Variants in PCDH11X observed in about 807,000 individuals in gnomAD.
PCDH11X encodes the protein protocadherin-11 X-linked.
A neutral mutation model predicts 53.3 loss-of-function variants in PCDH11X; 18 were observed. The ratio of observed to expected loss-of-function variants is 0.34; its 90% CI spans 0.23 to 0.50. The LOEUF is 0.50. PCDH11X is among the 20% of genes least tolerant of loss of function. The probability of loss-of-function intolerance (pLI) is 0.98; values close to 1 mark genes in which losing one functional copy is unlikely to be tolerated. For synonymous variants in PCDH11X, 279 were observed against 393.3 expected (o/e 0.71, Z 3.44); for missense variants, 570 against 1,032.4 (o/e 0.55, Z 6.14).
intron 6 of PCDH11X, among the ~76,000 whole-genome samples, chrX:92,008,974 G>A (rs192086898): frequency 8.1e-5 from 9 of 111,461 alleles, no homozygotes; most frequent in African/African-American, 1.3e-4. Context: ...TAAAGAAATC[G>A]GAACAAACAA....
At position 91,982,842 on chromosome X, in the gene PCDH11X, A is replaced by C. The variant is rs1236996283; in HGVS notation, c.3033+103569A>C. ...AGGGTCAATCAAATACTTGGCTGCT[A>C]TTTCGAAACGCGTGTTACTGTTTCC... On this transcript the variant is annotated intron_variant, in intron 6 of 10. Transcript: ENST00000682573. 1.2e-5 allele frequency: 11 copies of C among 888,081 alleles called. No homozygotes were observed. In the African/African-American group the frequency reaches 1.8e-4, roughly 14 times the overall value. 73.2% of individuals were successfully genotyped at this position (888,081 alleles called of 1,213,427 possible). A position where few individuals can be genotyped will look rare whatever the true frequency, so the allele number is the denominator to read the frequency against.
At chrX:92,147,882 TTTTC>T (rs1490917990) in intron 6 of PCDH11X, among the ~76,000 whole-genome samples, 1 of 95,971 alleles carries the variant, frequency 1.0e-5, no homozygotes, top group Non-Finnish European at 2.0e-5. Context: ...CTTTCTTTCT[TTTTC>T]TTTCTCTTTC....
chrX:92,157,978 G>A (rs1368272559), intron 6 of PCDH11X, among the ~76,000 whole-genome samples: 1 of 111,410 alleles, frequency 9.0e-6, no homozygotes, highest in Non-Finnish European at 1.9e-5. Flanking sequence ...ACTTTGGGGG[G>A]CTGAGGTGGG....
chrX:92,588,219 G>A (rs1228777367), intron 10 of PCDH11X, among the ~76,000 whole-genome samples: 1 of 92,210 alleles, frequency 1.1e-5, no homozygotes, highest in Non-Finnish European at 2.1e-5. Flanking sequence ...AGACTGTACA[G>A]TGTACTAAAA....
chrX:92,016,785 G>T (rs2062801321), intron 6 of PCDH11X, among the ~76,000 whole-genome samples: 1 of 111,766 alleles, frequency 8.9e-6, no homozygotes, highest in African/African-American at 3.3e-5. Context: ...CACTGGAGTA[G>T]CACTTTCAAT....
intron 1 of PCDH11X, among the ~76,000 whole-genome samples, chrX:91,792,161 A>T (rs1935578224): frequency 9.0e-6 from 1 of 110,568 alleles, no homozygotes; most frequent in African/African-American, 3.3e-5. Context: ...ATGTTTTAAG[A>T]CAATGAGAAA....
intron 5 of PCDH11X, among the ~76,000 whole-genome samples, chrX:91,848,969 C>A (rs1937853898): frequency 9.2e-6 from 1 of 108,761 alleles, no homozygotes; most frequent in Non-Finnish European, 1.9e-5. Context: ...TTACTAAACA[C>A]TTTCCAAGTA....
At chrX:92,175,036 C>T (rs1007376240) in intron 6 of PCDH11X, among the ~76,000 whole-genome samples, 7 of 110,395 alleles carry the variant, frequency 6.3e-5, no homozygotes, top group Admixed American at 2.9e-4. Context: ...AGTGCAGTGG[C>T]GCCATCTTGG....
At chrX:92,068,118 A>G (rs1443049857) in intron 6 of PCDH11X, among the ~76,000 whole-genome samples, 2 of 109,512 alleles carry the variant, frequency 1.8e-5, no homozygotes, top group Non-Finnish European at 3.8e-5. Context: ...CATTTCATTG[A>G]TCTTCTATGT....
Position 91,878,728 on chromosome X carries a change from A to G in PCDH11X, c.2488A>G (p.Ile830Val). The G allele has an allele frequency of 8.3e-7, 1 of 1,210,762 alleles. No homozygotes were observed. Among genetic ancestry groups the G allele is most frequent in the Non-Finnish European group, 1.1e-6 (1 of 895,244 alleles). Reference protein sequence around the residue: ...GTITVVVVIFITAVVRCRQAP... With the variant: ...GTITVVVVIFVTAVVRCRQAP... The stretch of plus-strand genomic sequence containing the variant: ...CATAACTGTCGTTGTAGTTATTTTC[A>G]TCACTGCTGTAGTAAGATGTCGCCA... Residue 830 changes from isoleucine (I) to valine (V), a missense_variant, in exon 6 of 11, where the codon ATC becomes GTC. This residue lies in a region of PCDH11X where 226 missense variants were observed against 457.5 expected (regional missense o/e 0.49). Coordinates refer to ENST00000682573, the MANE Select transcript of PCDH11X (RefSeq NM_032968.5).
chrX:92,489,694 T>C (rs913813813), intron 10 of PCDH11X, among the ~76,000 whole-genome samples: 2 of 106,841 alleles, frequency 1.9e-5, no homozygotes, highest in African/African-American at 6.8e-5. Flanking sequence ...CTCTCCACCT[T>C]TTTAATCAGT....
At chrX:91,789,216 A>G (rs1432777815) in intron 1 of PCDH11X, among the ~76,000 whole-genome samples, 4 of 109,052 alleles carry the variant, frequency 3.7e-5, no homozygotes, top group Non-Finnish European at 7.6e-5. Context: ...AAAAAAAAAA[A>G]AAAAAAAGAA....
intron 6 of PCDH11X, among the ~76,000 whole-genome samples, chrX:92,047,376 T>G (rs2063305399): frequency 9.6e-6 from 1 of 104,285 alleles, no homozygotes; most frequent in African/African-American, 3.6e-5. Context: ...TTTTTATGCC[T>G]TGATAGACCT....
chrX:92,355,941 A>G (rs960310703), intron 8 of PCDH11X, among the ~76,000 whole-genome samples: 3 of 111,279 alleles, frequency 2.7e-5, no homozygotes, highest in African/African-American at 9.8e-5. Context: ...ACCACTTTAA[A>G]TGATGTTTTA....
intron 6 of PCDH11X, chrX:91,882,777 A>C: frequency 9.8e-7 from 1 of 1,017,032 alleles, no homozygotes. Context: ...CACTATTGTA[A>C]AATTCAGTAA....
At chrX:92,443,218 T>A (rs1022619327) in intron 9 of PCDH11X, among the ~76,000 whole-genome samples, 10 of 111,599 alleles carry the variant, frequency 9.0e-5, no homozygotes, top group African/African-American at 3.3e-4. Flanking sequence ...GGTATCTCAT[T>A]TTGGTTTTGA....
chrX:92,048,712 G>A (rs1261643383), intron 6 of PCDH11X, among the ~76,000 whole-genome samples: 1 of 109,571 alleles, frequency 9.1e-6, no homozygotes, highest in Non-Finnish European at 1.9e-5. Context: ...ATCAAATACA[G>A]TTGTTGATGA....
intron 8 of PCDH11X, among the ~76,000 whole-genome samples, chrX:92,278,282 G>T (rs1199527631): frequency 9.0e-6 from 1 of 111,441 alleles, no homozygotes; most frequent in East Asian, 2.9e-4. Flanking sequence ...GTCCTAGGTG[G>T]ATCTTATGGA....
At chrX:92,556,701 G>A (rs1314297511) in intron 10 of PCDH11X, among the ~76,000 whole-genome samples, 7 of 109,225 alleles carry the variant, frequency 6.4e-5, no homozygotes, top group Non-Finnish European at 7.6e-5. Flanking sequence ...CAATCTGTTG[G>A]TGGACCTACC....
Sources: gnomAD v4.1 joint callset for allele counts (sites outside exome capture counted in the v4.1 genomes callset) on GRCh38, gnomAD v4.1.1 for gene constraint, gnomAD v4.1.1 regional missense constraint, MANE v1.5 for transcripts, NCBI Gene and HGNC (gene_info 2026-07-23, HGNC 2026-07-21) for gene names.